Variants in ARHGAP26 observed in about 807,000 individuals in gnomAD.
ARHGAP26 encodes rho GTPase-activating protein 26.
ARHGAP26 carries 38 observed loss-of-function variants against 104.8 expected under a neutral mutation model. The ratio of observed to expected loss-of-function variants is 0.36; its 90% CI spans 0.28 to 0.48. The LOEUF (loss-of-function observed/expected upper bound fraction) is 0.48, where lower values mean the gene tolerates loss of function less well. Among genes scored for constraint, ARHGAP26 ranks in the 20% least tolerant of loss-of-function variants. ARHGAP26 has a pLI of 0.99. For missense variants in ARHGAP26, 704 were observed against 947.9 expected (o/e 0.74, Z 3.38); for synonymous variants, 341 against 340.0 (o/e 1.00, Z -0.03).
At chr5:143,150,573 T>G (rs936380753) in intron 20 of ARHGAP26, among the ~76,000 whole-genome samples, 34 of 152,196 alleles carry the variant, frequency 2.2e-4, no homozygotes, top group African/African-American at 7.7e-4. Context: ...GATGGATAAA[T>G]GCATTCTGCA....
intron 1 of ARHGAP26, among the ~76,000 whole-genome samples, chr5:142,812,517 T>C (rs1324376215): frequency 1.3e-5 from 2 of 151,874 alleles, no homozygotes; most frequent in Non-Finnish European, 2.9e-5. Flanking sequence ...TTTGTATTTT[T>C]AGTAGAGGTG....
intron 11 of ARHGAP26, among the ~76,000 whole-genome samples, chr5:142,987,848 A>G (rs540412597): frequency 2.0e-4 from 31 of 152,314 alleles, no homozygotes; most frequent in African/African-American, 7.0e-4. Flanking sequence ...GATGAAGCCC[A>G]CTTGATCGTG....
intron 18 of ARHGAP26, among the ~76,000 whole-genome samples, chr5:143,131,471 T>C (rs1468333689): frequency 6.6e-6 from 1 of 152,176 alleles, no homozygotes; most frequent in Non-Finnish European, 1.5e-5. Context: ...ACCAGGCCTA[T>C]CGCTAACTCT....
At chr5:142,950,500 A>G (rs1181172909) in intron 11 of ARHGAP26, among the ~76,000 whole-genome samples, 1 of 151,708 alleles carries the variant, frequency 6.6e-6, no homozygotes, top group Non-Finnish European at 1.5e-5. Context: ...AACTCTATTC[A>G]TTTCTTTTTC....
chr5:143,068,079 G>C (rs768324764), intron 17 of ARHGAP26, among the ~76,000 whole-genome samples: 2 of 152,180 alleles, frequency 1.3e-5, no homozygotes, highest in Non-Finnish European at 2.9e-5. Flanking sequence ...TACGAGAATC[G>C]CTTGAGCCCA....
chr5:143,190,029 G>C (rs898499743), intron 20 of ARHGAP26, among the ~76,000 whole-genome samples: 6 of 82,488 alleles, frequency 7.3e-5, no homozygotes, highest in African/African-American at 3.5e-4. Flanking sequence ...ACAGAAGGAG[G>C]GGGGGGAAAA....
intron 20 of ARHGAP26, among the ~76,000 whole-genome samples, chr5:143,156,759 C>A (rs1455964667): frequency 6.6e-6 from 1 of 152,222 alleles, no homozygotes; most frequent in African/African-American, 2.4e-5. Context: ...TGGGGCTTAA[C>A]TGAGCTCTGC....
chr5:143,175,421 G>A (rs1360230846), intron 20 of ARHGAP26, among the ~76,000 whole-genome samples: 1 of 152,154 alleles, frequency 6.6e-6, no homozygotes, highest in Non-Finnish European at 1.5e-5. Flanking sequence ...CTATCTGTCA[G>A]ACCTCAACTT....
chr5:143,202,761 A>C (rs1046848298), intron 20 of ARHGAP26: 1 of 152,196 alleles, frequency 6.6e-6, no homozygotes, highest in Non-Finnish European at 1.5e-5. Flanking sequence ...GAGGCCTCAG[A>C]AATGACGCCA....
chr5:143,147,180 C>G, intron 19 of ARHGAP26, 51 bp from the exon 20 acceptor site: 2 of 1,581,736 alleles, frequency 1.3e-6, no homozygotes, highest in African/African-American at 2.7e-5. Context: ...TAGCAATAGA[C>G]TGTCCCTATG....
At chr5:143,121,366 G>A (rs780464175) in intron 18 of ARHGAP26, among the ~76,000 whole-genome samples, 7 of 152,166 alleles carry the variant, frequency 4.6e-5, no homozygotes, top group Non-Finnish European at 5.9e-5. Context: ...CATGGTTATG[G>A]TGGTGGCAGT....
chr5:142,783,916 C>T (rs1006441891), intron 1 of ARHGAP26, among the ~76,000 whole-genome samples: 5 of 152,208 alleles, frequency 3.3e-5, no homozygotes, highest in South Asian at 4.1e-4. Flanking sequence ...TTACCGTGGG[C>T]GACTTACCCA....
chr5:143,136,110 A>G (rs1334904676), intron 19 of ARHGAP26, among the ~76,000 whole-genome samples: 1 of 152,206 alleles, frequency 6.6e-6, no homozygotes, highest in African/African-American at 2.4e-5. Context: ...TAAGCTTAAA[A>G]TAGTGCTGGG....
intron 6 of ARHGAP26, among the ~76,000 whole-genome samples, chr5:142,899,197 A>G (rs1759915205): frequency 6.6e-6 from 1 of 152,210 alleles, no homozygotes; most frequent in Non-Finnish European, 1.5e-5. Context: ...TAACTTGATT[A>G]CCCATGTAAA....
chr5:143,097,932 T>C (rs955299652), intron 17 of ARHGAP26, among the ~76,000 whole-genome samples: 7 of 152,144 alleles, frequency 4.6e-5, no homozygotes, highest in African/African-American at 1.7e-4. Flanking sequence ...GTGGGACATA[T>C]TTTGTATTGG....
intron 11 of ARHGAP26, among the ~76,000 whole-genome samples, chr5:142,971,147 GTATTTGGTACA>G (rs1772207596): frequency 6.6e-6 from 1 of 152,240 alleles, no homozygotes; most frequent in East Asian, 1.9e-4. Flanking sequence ...GTGGGTCTAT[GTATTTGGTACA>G]TATTCTAAGT....
intron 10 of ARHGAP26, among the ~76,000 whole-genome samples, chr5:142,920,155 T>C (rs544818758): frequency 6.6e-6 from 1 of 152,240 alleles, no homozygotes; most frequent in African/African-American, 2.4e-5. Context: ...ACAAAATGTG[T>C]CAACTCTTTG....
At chr5:143,002,777 C>T (rs1171980108) in intron 11 of ARHGAP26, among the ~76,000 whole-genome samples, 1 of 152,220 alleles carries the variant, frequency 6.6e-6, no homozygotes, top group African/African-American at 2.4e-5. Flanking sequence ...TTGGCTGTGA[C>T]TCCAATCTTC....
At chr5:142,780,762 G>A (rs914366992) in intron 1 of ARHGAP26, among the ~76,000 whole-genome samples, 11 of 152,100 alleles carry the variant, frequency 7.2e-5, no homozygotes, top group African/African-American at 2.2e-4. Context: ...GTTGAAGGAG[G>A]GCAGTCTTCT....
Sources: allele counts gnomAD v4.1 joint callset (sites outside exome capture counted in the v4.1 genomes callset), GRCh38; gene constraint gnomAD v4.1.1; transcripts MANE v1.5; gene names NCBI Gene and HGNC (gene_info 2026-07-23, HGNC 2026-07-21).